Variants in CTNNA3 observed in about 807,000 individuals in gnomAD.
The protein encoded by CTNNA3 is catenin alpha-3.
In CTNNA3, 76 loss-of-function variants were observed where a neutral mutation model predicts 95.7. The ratio of observed to expected loss-of-function variants is 0.79; its 90% CI spans 0.66 to 0.96. The LOEUF is 0.96. CTNNA3 is among the 40% of genes least tolerant of loss of function. The pLI is 0.00. For synonymous variants in CTNNA3, 431 were observed against 374.4 expected (o/e 1.15, Z -1.74); for missense variants, 1,191 against 1,089.8 (o/e 1.09, Z -1.31).
At chr10:66,233,716 G>A (rs1488048411) in intron 13 of CTNNA3, among the ~76,000 whole-genome samples, 1 of 152,026 alleles carries the variant, frequency 6.6e-6, no homozygotes, top group Non-Finnish European at 1.5e-5. Context: ...CACTTCTGGT[G>A]GATTAAACAT....
At chr10:66,546,701 A>G (rs1216256046) in intron 10 of CTNNA3, among the ~76,000 whole-genome samples, 3 of 152,224 alleles carry the variant, frequency 2.0e-5, no homozygotes, top group South Asian at 4.1e-4. Flanking sequence ...ATCACTCACT[A>G]TCATGAGGAC....
intron 5 of CTNNA3, among the ~76,000 whole-genome samples, chr10:67,275,265 G>T (rs1405617133): frequency 6.6e-6 from 1 of 152,068 alleles, no homozygotes; most frequent in African/African-American, 2.4e-5. Flanking sequence ...GAATAAATAA[G>T]GTGCTAAATA....
chr10:67,235,244 C>A lies in CTNNA3; in HGVS notation c.580-15374G>T, dbSNP rs1230055693. On this transcript the variant is annotated intron_variant, in intron 5 of 17. Transcript: ENST00000433211. ...CAAAAGAACAAAGCTGGAGGCATCA[C>A]ACTACCTGACTTCAAACTATACTAC... Among the ~76,000 whole-genome samples, 3 of 146,180 alleles carry A rather than the reference C, an allele frequency of 2.1e-5. No individual in the cohort carries two copies. The Admixed American group carries it at 2.1e-4, about 10-fold the overall frequency.
intron 5 of CTNNA3, among the ~76,000 whole-genome samples, chr10:67,407,992 T>C (rs545354054): frequency 1.8e-4 from 28 of 152,120 alleles, no homozygotes; most frequent in African/African-American, 6.3e-4. Context: ...CCATTCACAG[T>C]TGCCACAATG....
chr10:65,993,499 C>A (rs188156083), intron 15 of CTNNA3, among the ~76,000 whole-genome samples: 1 of 151,996 alleles, frequency 6.6e-6, no homozygotes, highest in East Asian at 1.9e-4. Flanking sequence ...AATATAATGA[C>A]CTTCATTGTC....
intron 12 of CTNNA3, among the ~76,000 whole-genome samples, chr10:66,310,682 A>C (rs2132258388): frequency 6.9e-6 from 1 of 145,138 alleles, no homozygotes; most frequent in East Asian, 2.0e-4. Context: ...TTGTTTATAC[A>C]TAACTTTTTT....
intron 13 of CTNNA3, among the ~76,000 whole-genome samples, chr10:66,246,916 A>G (rs114278120): frequency 6.6e-6 from 1 of 151,738 alleles, no homozygotes; most frequent in African/African-American, 2.4e-5. Flanking sequence ...AGCCAGATGT[A>G]GTGGTGGGTG....
At chr10:66,827,174 C>T (rs1250507771) in intron 7 of CTNNA3, among the ~76,000 whole-genome samples, 2 of 152,112 alleles carry the variant, frequency 1.3e-5, no homozygotes, top group African/African-American at 2.4e-5. Flanking sequence ...ACGTCCATCC[C>T]GCATTCAGAA....
chr10:66,723,013 T>G (rs906134799), intron 9 of CTNNA3, among the ~76,000 whole-genome samples: 1 of 152,114 alleles, frequency 6.6e-6, no homozygotes, highest in Non-Finnish European at 1.5e-5. Context: ...GCTCTATCAT[T>G]CAGGAAAGAA....
intron 7 of CTNNA3, among the ~76,000 whole-genome samples, chr10:66,900,943 G>C (rs1252899042): frequency 6.6e-6 from 1 of 152,152 alleles, no homozygotes; most frequent in Non-Finnish European, 1.5e-5. Context: ...AACCAAATTA[G>C]AAAACACTCT....
chr10:66,738,248 T>G (rs1265558793), intron 9 of CTNNA3, among the ~76,000 whole-genome samples: 1 of 152,204 alleles, frequency 6.6e-6, no homozygotes, highest in Admixed American at 6.5e-5. Context: ...TGATATCTAT[T>G]ATGTTTTTGA....
At chr10:66,643,020 T>C (rs1845572555) in intron 9 of CTNNA3, among the ~76,000 whole-genome samples, 1 of 152,084 alleles carries the variant, frequency 6.6e-6, no homozygotes. Context: ...TAGATACACA[T>C]ATATAGATAG....
At chr10:65,966,399 A>G (rs1251182979) in intron 17 of CTNNA3, among the ~76,000 whole-genome samples, 1 of 152,230 alleles carries the variant, frequency 6.6e-6, no homozygotes, top group Non-Finnish European at 1.5e-5. Flanking sequence ...TAATCTCTGA[A>G]GTAAATAAAA....
At chr10:66,295,313 G>A (rs1284033628) in intron 12 of CTNNA3, among the ~76,000 whole-genome samples, 1 of 152,108 alleles carries the variant, frequency 6.6e-6, no homozygotes, top group Non-Finnish European at 1.5e-5. Context: ...TCTAAGCGTA[G>A]GTTAAGAAAT....
intron 11 of CTNNA3, among the ~76,000 whole-genome samples, chr10:66,459,366 C>A (rs888562118): frequency 6.6e-6 from 1 of 152,048 alleles, no homozygotes; most frequent in Non-Finnish European, 1.5e-5. Flanking sequence ...CGACTGCACA[C>A]GGGTCAGCAA....
At chr10:67,017,386 C>T (rs1192155152) in intron 7 of CTNNA3, among the ~76,000 whole-genome samples, 4 of 152,168 alleles carry the variant, frequency 2.6e-5, no homozygotes, top group Non-Finnish European at 5.9e-5. Flanking sequence ...CTTTCTACCA[C>T]ATCCTGTTGC....
rs570120533 is a variant in CTNNA3, at chr10:65,917,186, G to A, written c.*3144C>T. ...CAGAAGGCACACTTGTGAATGTGAAGGCTATATTGTCTTTTCTAATACATT... is the reference window on the plus strand; with the variant it reads ...CAGAAGGCACACTTGTGAATGTGAAAGCTATATTGTCTTTTCTAATACATT... On this transcript the variant is annotated 3_prime_UTR_variant, in exon 18 of 18. Coordinates refer to ENST00000433211, the MANE Select transcript of CTNNA3 (RefSeq NM_013266.4). 131 of 152,178 alleles carry A rather than the reference G, an allele frequency of 8.6e-4. 2 individuals are homozygous for A. Among genetic ancestry groups the A allele is most frequent in the African/African-American group, 3.0e-3 (126 of 41,524 alleles). The allele number at this position is 152,178 out of a possible 1,614,324, so 9.4% of individuals were successfully genotyped here.
chr10:66,889,900 C>G (rs779810891), intron 7 of CTNNA3, among the ~76,000 whole-genome samples: 2 of 151,624 alleles, frequency 1.3e-5, no homozygotes, highest in Non-Finnish European at 2.9e-5. Flanking sequence ...CAGCGATTCT[C>G]CTGCCTCAGC....
chr10:67,504,216 G>A (rs937993404), intron 5 of CTNNA3, among the ~76,000 whole-genome samples: 2 of 150,096 alleles, frequency 1.3e-5, no homozygotes, highest in Non-Finnish European at 3.0e-5. Flanking sequence ...ACTTGAGGAG[G>A]CTGAGGCGGG....
Sources: allele counts gnomAD v4.1 joint callset (sites outside exome capture counted in the v4.1 genomes callset), GRCh38; gene constraint gnomAD v4.1.1; transcripts MANE v1.5; gene names NCBI Gene and HGNC (gene_info 2026-07-23, HGNC 2026-07-21).